The following CRADD variants were observed in gnomAD, a reference collection of about 807,000 sequenced individuals.
CRADD encodes the protein death domain-containing protein CRADD.
In CRADD, 9 loss-of-function variants were observed where a neutral mutation model predicts 15.5. That is an observed-to-expected ratio of 0.58 (90% CI 0.35 to 1.01). CRADD has a LOEUF of 1.01. Ranked by LOEUF, CRADD falls within the 50% of genes least tolerant of loss-of-function variation. CRADD has a pLI of 0.02. For missense variants in CRADD, 227 were observed against 250.3 expected (o/e 0.91, Z 0.63); for synonymous variants, 118 against 107.6 (o/e 1.10, Z -0.60).
At chr12:93,877,239 A>G (rs1262311788) in intron 2 of CRADD, among the ~76,000 whole-genome samples, 1 of 152,220 alleles carries the variant, frequency 6.6e-6, no homozygotes, top group Non-Finnish European at 1.5e-5. Flanking sequence ...TACCACCACT[A>G]TGACTGCTGT....
intron 2 of CRADD, among the ~76,000 whole-genome samples, chr12:93,860,344 A>G (rs914893917): frequency 3.9e-5 from 6 of 152,200 alleles, no homozygotes; most frequent in African/African-American, 1.2e-4. Flanking sequence ...CCAATTTTCA[A>G]TTTGGACCAA....
intron 2 of CRADD, among the ~76,000 whole-genome samples, chr12:93,865,688 T>G (rs1228183839): frequency 6.6e-6 from 1 of 152,230 alleles, no homozygotes; most frequent in Non-Finnish European, 1.5e-5. Flanking sequence ...TTATGTGAGT[T>G]ACCATGCCAG....
chr12:93,800,916 A>T (rs1039531286), intron 2 of CRADD, among the ~76,000 whole-genome samples: 2 of 152,082 alleles, frequency 1.3e-5, no homozygotes, highest in Non-Finnish European at 2.9e-5. Context: ...ATACACTATT[A>T]AAGTGGCTGA....
chr12:93,894,208 AGGGGACATTTGACAATGTCT>A (rs1958596581), exon 3 of CRADD: 1 of 540,448 alleles, frequency 1.9e-6, no homozygotes, highest in Admixed American at 2.2e-5. Context: ...TTTGCCTTCC[AGGGGACATTTGACAATGTCT>A]GGAGGCGTTT....
chr12:93,713,946 A>G (rs1410577507), intron 2 of CRADD, among the ~76,000 whole-genome samples: 1 of 152,198 alleles, frequency 6.6e-6, no homozygotes, highest in Non-Finnish European at 1.5e-5. Flanking sequence ...CACCTCTCTC[A>G]GGAGGAAAGG....
At chr12:93,713,329 C>A (rs1956106864) in intron 2 of CRADD, among the ~76,000 whole-genome samples, 1 of 152,064 alleles carries the variant, frequency 6.6e-6, no homozygotes, top group African/African-American at 2.4e-5. Context: ...AATATGGTTG[C>A]ACGTAGCTAT....
intron 2 of CRADD, chr12:93,738,068 C>T (rs1021089610): frequency 7.6e-5 from 36 of 470,794 alleles, no homozygotes; most frequent in Non-Finnish European, 1.1e-4. Context: ...CCTTTCTATT[C>T]GTTTTTACTG....
intron 2 of CRADD, among the ~76,000 whole-genome samples, chr12:93,719,468 T>A (rs1956220653): frequency 6.6e-6 from 1 of 152,206 alleles, no homozygotes; most frequent in Non-Finnish European, 1.5e-5. Flanking sequence ...ATAGAATGAG[T>A]TAGGAAGTAT....
downstream of CRADD, among the ~76,000 whole-genome samples, chr12:93,851,289 G>GA (rs1388388915): frequency 6.6e-6 from 1 of 152,186 alleles, no homozygotes; most frequent in African/African-American, 2.4e-5. Context: ...GGCCCAGGGT[G>GA]AATGAGGTTG....
chr12:93,881,402 AT>A (rs199658859), intron 2 of CRADD, among the ~76,000 whole-genome samples: 2 of 123,480 alleles, frequency 1.6e-5, no homozygotes, highest in Non-Finnish European at 1.6e-5. Flanking sequence ...AAACACGTCA[AT>A]TTTTTTTGTG....
intron 2 of CRADD, among the ~76,000 whole-genome samples, chr12:93,846,194 A>C (rs761310866): frequency 6.6e-6 from 1 of 152,216 alleles, no homozygotes; most frequent in Non-Finnish European, 1.5e-5. Flanking sequence ...GTGGATACTC[A>C]GTTTGCTTCC....
At chr12:93,867,974 A>G (rs1307980229) in intron 2 of CRADD, among the ~76,000 whole-genome samples, 5 of 152,226 alleles carry the variant, frequency 3.3e-5, no homozygotes, top group South Asian at 4.1e-4. Flanking sequence ...ATAAAATGCT[A>G]TGAGCATGTT....
intron 2 of CRADD, among the ~76,000 whole-genome samples, chr12:93,726,206 C>T (rs1176648627): frequency 1.4e-5 from 2 of 147,506 alleles, no homozygotes; most frequent in Admixed American, 7.0e-5. Context: ...CAGGTTCAAG[C>T]GATTCTCCTG....
chr12:93,852,580 A>G (rs11107219), downstream of CRADD, among the ~76,000 whole-genome samples: 6,345 of 152,354 alleles, frequency 0.042, 174 homozygotes, highest in Non-Finnish European at 0.066. Context: ...AGAACAGAGC[A>G]GCTGAATCCC....
At chr12:93,864,211 G>A (rs1461011328) in intron 2 of CRADD, among the ~76,000 whole-genome samples, 1 of 152,038 alleles carries the variant, frequency 6.6e-6, no homozygotes, top group Non-Finnish European at 1.5e-5. Flanking sequence ...GTGTCACCAC[G>A]CCTGGCTCAT....
intron 2 of CRADD, among the ~76,000 whole-genome samples, chr12:93,753,719 T>G (rs914357616): frequency 6.6e-6 from 1 of 152,228 alleles, no homozygotes. Flanking sequence ...CACATCCAGG[T>G]CCTGCTGGAT....
intron 2 of CRADD, among the ~76,000 whole-genome samples, chr12:93,751,738 C>T (rs962134180): frequency 1.3e-5 from 2 of 152,174 alleles, no homozygotes; most frequent in South Asian, 2.1e-4. Flanking sequence ...GTGGTGTGTG[C>T]CTGTAGTCCC....
chr12:93,764,918 T>G (rs1395785115), intron 2 of CRADD, among the ~76,000 whole-genome samples: 2 of 152,056 alleles, frequency 1.3e-5, no homozygotes, highest in Non-Finnish European at 2.9e-5. Context: ...ATGAAAGGCA[T>G]CTATCCAGTT....
chr12:93,695,484 A>G (rs1434128673), intron 2 of CRADD, among the ~76,000 whole-genome samples: 1 of 152,236 alleles, frequency 6.6e-6, no homozygotes, highest in African/African-American at 2.4e-5. Flanking sequence ...TGCACAGGAA[A>G]CAACAGAGTA....
Sources: gnomAD v4.1 joint callset for allele counts (sites outside exome capture counted in the v4.1 genomes callset) on GRCh38, gnomAD v4.1.1 for gene constraint, MANE v1.5 for transcripts, NCBI Gene and HGNC (gene_info 2026-07-23, HGNC 2026-07-21) for gene names.